CTNNA3: variants seen among roughly 807,000 people sequenced by gnomAD.
CTNNA3 encodes catenin alpha-3.
In CTNNA3, 76 loss-of-function variants were observed where a neutral mutation model predicts 95.7. The ratio of observed to expected loss-of-function variants is 0.79; its 90% CI spans 0.66 to 0.96. The LOEUF (loss-of-function observed/expected upper bound fraction) is 0.96. CTNNA3 is among the 40% of genes least tolerant of loss of function. The pLI, the probability that CTNNA3 is intolerant of heterozygous loss-of-function variation, is 0.00. For synonymous variants in CTNNA3, 431 were observed against 374.4 expected (o/e 1.15, Z -1.74); for missense variants, 1,191 against 1,089.8 (o/e 1.09, Z -1.31).
chr10:66,701,014 C>A (rs117884824), intron 9 of CTNNA3, among the ~76,000 whole-genome samples: 1 of 152,076 alleles, frequency 6.6e-6, no homozygotes, highest in African/African-American at 2.4e-5. Flanking sequence ...AAATAAACAT[C>A]CCACATTTCA....
intron 12 of CTNNA3, among the ~76,000 whole-genome samples, chr10:66,366,085 C>T (rs1415811066): frequency 1.3e-5 from 2 of 152,064 alleles, no homozygotes; most frequent in East Asian, 1.9e-4. Context: ...GGGAGATTTG[C>T]TATGCAGCAT....
intron 7 of CTNNA3, among the ~76,000 whole-genome samples, chr10:66,839,832 T>C (rs559087930): frequency 8.7e-4 from 133 of 152,248 alleles, no homozygotes; most frequent in African/African-American, 3.0e-3. Flanking sequence ...TGTTTTTCTG[T>C]CTTAATAATT....
chr10:66,617,554 C>T (rs543089882), intron 10 of CTNNA3, among the ~76,000 whole-genome samples: 16 of 152,152 alleles, frequency 1.1e-4, no homozygotes, highest in Non-Finnish European at 1.8e-4. Context: ...ATTGATGGGA[C>T]GTATCTCAAA....
chr10:67,486,539 TC>T, intron 5 of CTNNA3, among the ~76,000 whole-genome samples: 1 of 152,110 alleles, frequency 6.6e-6, no homozygotes, highest in Non-Finnish European at 1.5e-5. Context: ...CTTTGGTAGG[TC>T]CCCAAGTTTA....
intron 4 of CTNNA3, among the ~76,000 whole-genome samples, chr10:67,536,143 T>C (rs181075103): frequency 5.9e-5 from 9 of 152,194 alleles, no homozygotes; most frequent in Admixed American, 3.3e-4. Flanking sequence ...GAAAAATATA[T>C]AGAAATTCTA....
At chr10:66,301,918 T>C (rs942577119) in intron 12 of CTNNA3, among the ~76,000 whole-genome samples, 4 of 152,024 alleles carry the variant, frequency 2.6e-5, no homozygotes, top group Admixed American at 6.6e-5. Context: ...GATGACACGA[T>C]TGTCTATATA....
At chr10:67,674,121 C>G (rs181871064) in intron 1 of CTNNA3, among the ~76,000 whole-genome samples, 200 of 152,046 alleles carry the variant, frequency 1.3e-3, no homozygotes, top group Admixed American at 3.5e-3. Flanking sequence ...GTCCTAAACC[C>G]TAGTACCTCA....
rs181421442 is a variant in CTNNA3 at position 66,991,494 on chromosome 10, C to T, written c.1047+188823G>A. 3.4e-4 allele frequency among the ~76,000 whole-genome samples: 52 copies of T among 152,204 alleles called. 2 individuals are homozygous for T. The East Asian group carries it at 9.1e-3, about 27-fold the overall frequency. The stretch of plus-strand genomic sequence containing the variant: ...AGTAATTTAAAAGGGTATATTTAAA[C>T]ATTATAAAGTACACTAACAAATAAA... On this transcript the variant is annotated intron_variant, in intron 7 of 17. Coordinates refer to ENST00000433211, the MANE Select transcript of CTNNA3 (RefSeq NM_013266.4).
intron 5 of CTNNA3, among the ~76,000 whole-genome samples, chr10:67,478,537 A>G (rs892178555): frequency 2.0e-5 from 3 of 152,288 alleles, no homozygotes; most frequent in East Asian, 1.9e-4. Context: ...ATTAATCTTC[A>G]TAAGTGAAAG....
intron 3 of CTNNA3, among the ~76,000 whole-genome samples, chr10:67,560,284 A>T (rs111877347): frequency 1.3e-5 from 2 of 151,054 alleles, no homozygotes; most frequent in African/African-American, 2.4e-5. Context: ...CTAACAGCGG[A>T]TGTCTCGGCA....
chr10:66,247,021 G>C (rs1026335794), intron 13 of CTNNA3, among the ~76,000 whole-genome samples: 1 of 137,106 alleles, frequency 7.3e-6, no homozygotes, highest in African/African-American at 2.8e-5. Context: ...GTGCACTCCA[G>C]CCTGGTGACA....
At chr10:66,442,556 G>A (rs2131792322) in intron 11 of CTNNA3, among the ~76,000 whole-genome samples, 1 of 152,214 alleles carries the variant, frequency 6.6e-6, no homozygotes, top group South Asian at 2.1e-4. Context: ...AAACAAGCAA[G>A]TTTTTTCTCA....
At chr10:67,641,745 A>G (rs1265821408) in intron 2 of CTNNA3, among the ~76,000 whole-genome samples, 1 of 152,192 alleles carries the variant, frequency 6.6e-6, no homozygotes, top group East Asian at 1.9e-4. Flanking sequence ...TTCTCAGCAA[A>G]CTATCGCAAG....
intron 5 of CTNNA3, among the ~76,000 whole-genome samples, chr10:67,391,165 C>T (rs544941418): frequency 2.8e-4 from 42 of 152,186 alleles, no homozygotes; most frequent in Middle Eastern, 3.4e-3. Context: ...CCCATTGTCT[C>T]AGCCCAAAAT....
intron 13 of CTNNA3, among the ~76,000 whole-genome samples, chr10:66,135,445 G>A (rs1241215827): frequency 1.3e-5 from 2 of 152,158 alleles, no homozygotes; most frequent in Non-Finnish European, 2.9e-5. Context: ...TAGTGTTAAT[G>A]TATTAAATCA....
intron 10 of CTNNA3, among the ~76,000 whole-genome samples, chr10:66,585,567 A>G (rs755422377): frequency 6.6e-6 from 1 of 151,876 alleles, no homozygotes; most frequent in Non-Finnish European, 1.5e-5. Context: ...TAAAATATCC[A>G]TCTCTTTAGA....
chr10:67,308,557 T>C (rs182282355), intron 5 of CTNNA3, among the ~76,000 whole-genome samples: 1 of 152,276 alleles, frequency 6.6e-6, no homozygotes, highest in Admixed American at 6.5e-5. Context: ...AGTATGAAAA[T>C]AGACTAATAC....
chr10:67,543,781 G>T (rs1054245609), intron 3 of CTNNA3, among the ~76,000 whole-genome samples: 7 of 152,102 alleles, frequency 4.6e-5, no homozygotes, highest in African/African-American at 1.7e-4. Flanking sequence ...TCAACATTCA[G>T]GGTTTGGTTT....
chr10:66,443,004 A>G (rs1400480750), intron 11 of CTNNA3, among the ~76,000 whole-genome samples: 1 of 152,136 alleles, frequency 6.6e-6, no homozygotes, highest in East Asian at 1.9e-4. Flanking sequence ...ACACCAGGAG[A>G]TTATATCCCG....
Sources: allele counts gnomAD v4.1 joint callset (sites outside exome capture counted in the v4.1 genomes callset), GRCh38; gene constraint gnomAD v4.1.1; transcripts MANE v1.5; gene names NCBI Gene and HGNC (gene_info 2026-07-23, HGNC 2026-07-21).